The following ETNK1 variants were observed in gnomAD, a reference collection of about 807,000 sequenced individuals.
ETNK1 encodes the protein ethanolamine kinase 1, also known as putative protein product of Nbla10396.
A neutral mutation model predicts 45.1 loss-of-function variants in ETNK1; 8 were observed. That is an observed-to-expected ratio of 0.18 (90% CI 0.10 to 0.32). The LOEUF (loss-of-function observed/expected upper bound fraction) is 0.32. ETNK1 is among the 10% of genes least tolerant of loss of function. The pLI, the probability that ETNK1 is intolerant of heterozygous loss-of-function variation, is 1.00. For synonymous variants in ETNK1, 152 were observed against 151.9 expected (o/e 1.00, Z -0.01); for missense variants, 302 against 430.6 (o/e 0.70, Z 2.64).
chr12:22,633,251 T>G (rs1953604240), intron 1 of ETNK1, among the ~76,000 whole-genome samples: 1 of 152,164 alleles, frequency 6.6e-6, no homozygotes, highest in Non-Finnish European at 1.5e-5. Context: ...TTGTCTGTCT[T>G]TATTTTTTTC....
rs989910138 is a variant in ETNK1 at position 22,660,978 on chromosome 12, G to A, written c.558-85G>A. The A allele has an allele frequency of 7.0e-6, 8 of 1,150,228 alleles. No homozygotes were observed. The Admixed American group carries it at 7.4e-5, about 11-fold the overall frequency. 71.3% of individuals were successfully genotyped at this position (1,150,228 alleles called of 1,614,324 possible). ...AGCAGTATGTGCGATTAAATTGAAG[G>A]GATTTATTCAAAATAGATTTTAATC... On this transcript the variant is annotated intron_variant, in intron 3 of 7. Coordinates refer to ENST00000266517, the MANE Select transcript of ETNK1 (RefSeq NM_018638.5).
chr12:22,658,646 A>C (rs1246256528), intron 2 of ETNK1, among the ~76,000 whole-genome samples: 1 of 152,192 alleles, frequency 6.6e-6, no homozygotes, highest in East Asian at 1.9e-4. Flanking sequence ...CAGCATGGGC[A>C]AGTGGGAATG....
At chr12:22,632,945 G>A (rs927800537) in intron 1 of ETNK1, among the ~76,000 whole-genome samples, 2 of 152,176 alleles carry the variant, frequency 1.3e-5, no homozygotes, top group African/African-American at 4.8e-5. Flanking sequence ...TGACCGACTA[G>A]CATTCCATTT....
At chr12:22,665,448 G>C (rs1954045071) in intron 4 of ETNK1, among the ~76,000 whole-genome samples, 1 of 152,132 alleles carries the variant, frequency 6.6e-6, no homozygotes, top group Non-Finnish European at 1.5e-5. Context: ...CAAGATTTTA[G>C]ATCATGCATA....
At chr12:22,664,846 G>A (rs766475664) in intron 4 of ETNK1, among the ~76,000 whole-genome samples, 2 of 152,066 alleles carry the variant, frequency 1.3e-5, no homozygotes, top group South Asian at 2.1e-4. Context: ...GATACCAATA[G>A]ATAAAACGTA....
chr12:22,625,380 G>A lies in ETNK1; in HGVS notation c.-51G>A. 6.4e-7 allele frequency: 1 copy of A among 1,563,186 alleles called. No individual in the cohort carries two copies. The highest frequency in any genetic ancestry group is 1.2e-5 in the South Asian group (1 of 86,550). ...CAGTCTGTCGGCGCCCGCCGTTCTC[G>A]TGGTCGCCGTCGCCGTCGTCGTGGT... On this transcript the variant is annotated 5_prime_UTR_variant, in exon 1 of 8. It adds an upstream start codon to the 5' untranslated region. Coordinates refer to ENST00000266517, the MANE Select transcript of ETNK1 (RefSeq NM_018638.5).
intron 2 of ETNK1, chr12:22,644,291 T>C (rs773435428): frequency 1.2e-6 from 2 of 1,600,226 alleles, no homozygotes; most frequent in Non-Finnish European, 1.7e-6. Context: ...AGGCTTCTGC[T>C]TAGTTTTTTC....
rs370696815 is a variant in ETNK1, at chr12:22,657,647, AATTAGG to A, written c.417-1362_417-1357del. On this transcript the variant is annotated intron_variant, in intron 2 of 7. Coordinates refer to ENST00000266517, the MANE Select transcript of ETNK1 (RefSeq NM_018638.5). The stretch of plus-strand genomic sequence containing the variant: ...CAAACAAAGTTGATAGCTTCAATAA[AATTAGG>A]ATTAAGTCTCTGGCTTAGCTTGGGT... 1.5e-3 allele frequency among the ~76,000 whole-genome samples: 230 copies of A among 152,282 alleles called. 1 individual carries two copies. The highest frequency in any genetic ancestry group is 5.2e-3 in the African/African-American group (218 of 41,566).
At chr12:22,642,544 A>G (rs185349521) in intron 1 of ETNK1, among the ~76,000 whole-genome samples, 3 of 152,124 alleles carry the variant, frequency 2.0e-5, no homozygotes, top group Admixed American at 6.6e-5. Context: ...TATATATAAT[A>G]AAAACCATTA....
intron 6 of ETNK1, among the ~76,000 whole-genome samples, chr12:22,677,957 A>G (rs938788100): frequency 6.6e-6 from 1 of 151,888 alleles, no homozygotes; most frequent in Non-Finnish European, 1.5e-5. Context: ...TCCTGTTCTT[A>G]TTTTATCAGA....
intron 2 of ETNK1, among the ~76,000 whole-genome samples, chr12:22,652,532 A>G (rs1953891194): frequency 6.6e-6 from 1 of 152,196 alleles, no homozygotes; most frequent in South Asian, 2.1e-4. Flanking sequence ...TTATTTTTGT[A>G]GTAACCATTC....
At position 22,686,208 on chromosome 12, in the gene ETNK1, T is replaced by C. The variant is rs1190903751; in HGVS notation, c.*1254T>C. 1 of 152,300 alleles carries C rather than the reference T, an allele frequency of 6.6e-6. No homozygotes were observed. Among genetic ancestry groups the C allele is most frequent in the African/African-American group, 2.4e-5 (1 of 41,410 alleles). 9.4% of individuals were successfully genotyped at this position (152,300 alleles called of 1,614,324 possible). A position where few individuals can be genotyped will look rare whatever the true frequency, so the allele number is the denominator to read the frequency against. ...TAACTGTATTTTTAATTTTGTCTGG[T>C]GGTAAGAGGGAGGTAATTATTGTAT... On this transcript the variant is annotated 3_prime_UTR_variant, in exon 8 of 8. Transcript: ENST00000266517.
intron 5 of ETNK1, among the ~76,000 whole-genome samples, chr12:22,671,863 A>AT (rs1452064791): frequency 2.0e-5 from 3 of 149,604 alleles, no homozygotes; most frequent in Non-Finnish European, 4.4e-5. Context: ...AAAAAAAAAA[A>AT]GTAATAGATA....
intron 6 of ETNK1, among the ~76,000 whole-genome samples, chr12:22,678,783 G>T (rs534706189): frequency 1.3e-5 from 2 of 152,336 alleles, no homozygotes; most frequent in African/African-American, 4.8e-5. Flanking sequence ...GGACGTTAAT[G>T]TTGTCATGAC....
intron 1 of ETNK1, among the ~76,000 whole-genome samples, chr12:22,643,020 AT>A (rs761833694): frequency 2.6e-5 from 4 of 152,034 alleles, no homozygotes; most frequent in Non-Finnish European, 5.9e-5. Context: ...CAAAAGTCTT[AT>A]TTAAAAAATA....
At chr12:22,682,349 CT>C in intron 6 of ETNK1, 1 of 452,060 alleles carries the variant, frequency 2.2e-6, no homozygotes, top group Non-Finnish European at 4.5e-6. Context: ...GGCAAGTTAT[CT>C]TTTTTATAGT....
At chr12:22,680,474 G>A (rs544867660) in intron 6 of ETNK1, among the ~76,000 whole-genome samples, 22 of 152,146 alleles carry the variant, frequency 1.4e-4, no homozygotes, top group South Asian at 1.0e-3. Context: ...TACTTCACAC[G>A]TCCTACTTCT....
chr12:22,665,641 A>G (rs1179087658), intron 4 of ETNK1, among the ~76,000 whole-genome samples: 1 of 152,180 alleles, frequency 6.6e-6, no homozygotes, highest in Non-Finnish European at 1.5e-5. Flanking sequence ...GCCATAGACA[A>G]TACATGAGTG....
intron 6 of ETNK1, among the ~76,000 whole-genome samples, chr12:22,678,604 A>G (rs990191281): frequency 1.2e-4 from 18 of 152,342 alleles, no homozygotes; most frequent in African/African-American, 3.8e-4. Context: ...AATATACTCA[A>G]TAGATGAGGT....
Sources: allele counts gnomAD v4.1 joint callset (sites outside exome capture counted in the v4.1 genomes callset), GRCh38; gene constraint gnomAD v4.1.1; transcripts MANE v1.5; gene names NCBI Gene and HGNC (gene_info 2026-07-23, HGNC 2026-07-21).